The following PCDHGA1 variants were observed in gnomAD, a reference collection of about 807,000 sequenced individuals.
PCDHGA1 encodes the protein protocadherin gamma-A1.
A neutral mutation model predicts 58.0 loss-of-function variants in PCDHGA1; 32 were observed. The observed-to-expected ratio is 0.55, with a 90% CI of 0.42 to 0.74. PCDHGA1 has a LOEUF of 0.74. Ranked by LOEUF, PCDHGA1 falls within the 30% of genes least tolerant of loss-of-function variation. PCDHGA1 has a pLI of 0.00. For missense variants in PCDHGA1, 1,205 were observed against 1,182.3 expected (o/e 1.02, Z -0.28); for synonymous variants, 498 against 501.1 (o/e 0.99, Z 0.08).
intron 1 of PCDHGA1, chr5:141,393,859 T>A (rs1348760722): frequency 1.9e-6 from 3 of 1,613,994 alleles, no homozygotes; most frequent in Non-Finnish European, 2.5e-6. Flanking sequence ...GAAGTGATCA[T>A]TACGTCTTTG....
At chr5:141,394,637 G>C (rs201732776) in intron 1 of PCDHGA1, 4 of 1,613,464 alleles carry the variant, frequency 2.5e-6, no homozygotes, top group African/African-American at 1.3e-5. Flanking sequence ...CCTACCGCCT[G>C]CTCAAGGCCA....
chr5:141,412,040 G>A (rs1046669003), intron 1 of PCDHGA1: 1 of 152,230 alleles, frequency 6.6e-6, no homozygotes, highest in African/African-American at 2.4e-5. Flanking sequence ...TGTGAAAGAA[G>A]TGAACTTCTA....
Position 141,489,213 on chromosome 5 carries a change from T to G in PCDHGA1, c.2422-5594T>G, listed in dbSNP as rs372898969. 11 of 1,473,392 alleles carry G rather than the reference T, an allele frequency of 7.5e-6. No homozygotes were observed. The highest frequency in any genetic ancestry group is 6.4e-6 in the Non-Finnish European group (7 of 1,091,332). 91.3% of individuals were successfully genotyped at this position (1,473,392 alleles called of 1,614,324 possible). On this transcript the variant is annotated intron_variant, in intron 1 of 3. Coordinates refer to ENST00000517417, the MANE Select transcript of PCDHGA1 (RefSeq NM_018912.3). This position sits in a 1 kb window ranked among gnomAD's most constrained non-coding sequence, Gnocchi z 4.5. Reference sequence around the variant, plus strand: ...ACCTTGGAGACAGGACAGCACAGACTTACTCTCCACAAAGGGACTTCTGGG... The same window carrying G: ...ACCTTGGAGACAGGACAGCACAGACGTACTCTCCACAAAGGGACTTCTGGG...
chr5:141,414,180 A>G, intron 1 of PCDHGA1: 2 of 1,608,986 alleles, frequency 1.2e-6, no homozygotes, highest in Middle Eastern at 1.7e-4. Context: ...TTGCAACTGC[A>G]AAAGTGTTGA....
At position 141,344,567 on chromosome 5, in the gene PCDHGA1, C is replaced by T. The variant is rs182334334; in HGVS notation, c.2421+11462C>T. On this transcript the variant is annotated intron_variant, in intron 1 of 3. Transcript: ENST00000517417. ...ACAAGCTTAGCCCCAATGACTACTT[C>T]TCTCTGGCTGTGAATAGCGTCTCTG... is the stretch of plus-strand genomic sequence containing the variant. 11,516 of 1,614,012 alleles carry T rather than the reference C, an allele frequency of 7.1e-3. 61 individuals carry two copies. Among genetic ancestry groups the T allele is most frequent in the Non-Finnish European group, 8.3e-3 (9,774 of 1,179,900 alleles).
intron 1 of PCDHGA1, among the ~76,000 whole-genome samples, chr5:141,443,594 T>C (rs1040469046): frequency 1.3e-5 from 2 of 152,234 alleles, no homozygotes; most frequent in Non-Finnish European, 2.9e-5. Flanking sequence ...CAGAATGTGG[T>C]ATATGAAATG....
At position 141,485,651 on chromosome 5, in the gene PCDHGA1, G is replaced by A. The variant is rs752827268; in HGVS notation, c.2422-9156G>A. The A allele has an allele frequency of 6.8e-6, 11 of 1,612,228 alleles. No individual in the cohort carries two copies. The Admixed American group carries it at 1.3e-4, about 20-fold the overall frequency. ...TTTCCCGTTGGAAAAGGCTCAGGATGCAGATGTGGGGAGCAATTCGATTAG... is the reference window on the plus strand; with the variant it reads ...TTTCCCGTTGGAAAAGGCTCAGGATACAGATGTGGGGAGCAATTCGATTAG... On this transcript the variant is annotated intron_variant, in intron 1 of 3. Transcript: ENST00000517417. This position sits in a 1 kb window ranked among gnomAD's most constrained non-coding sequence, Gnocchi z 5.7.
chr5:141,360,748 C>T (rs1352122566), intron 1 of PCDHGA1: 10 of 1,613,928 alleles, frequency 6.2e-6, no homozygotes, highest in Non-Finnish European at 8.5e-6. Context: ...CAGAGAAGAG[C>T]ACAGTTTACA....
chr5:141,372,497 G>T, intron 1 of PCDHGA1: 2 of 1,614,032 alleles, frequency 1.2e-6, no homozygotes, highest in Non-Finnish European at 1.7e-6. Flanking sequence ...TGATCTCAGT[G>T]CTCTTCCTCC....
At chr5:141,375,934 C>T in intron 1 of PCDHGA1, 3 of 1,613,738 alleles carry the variant, frequency 1.9e-6, no homozygotes, top group Non-Finnish European at 2.5e-6. Context: ...CAGGACTTTT[C>T]TCAGTGGGCC....
At chr5:141,381,416 C>G (rs995030864) in intron 1 of PCDHGA1, among the ~76,000 whole-genome samples, 10 of 152,236 alleles carry the variant, frequency 6.6e-5, no homozygotes, top group African/African-American at 2.2e-4. Context: ...AGTGGAGAGA[C>G]GAGTACCTCT....
At chr5:141,418,449 A>C in intron 1 of PCDHGA1, 1 of 1,614,040 alleles carries the variant, frequency 6.2e-7, no homozygotes, top group Non-Finnish European at 8.5e-7. Context: ...TTAGTATTGC[A>C]GAAGACTCTG....
At chr5:141,360,838 G>A (rs776801696) in intron 1 of PCDHGA1, 2 of 1,614,002 alleles carry the variant, frequency 1.2e-6, no homozygotes, top group Admixed American at 1.7e-5. Flanking sequence ...AGTCACGGAT[G>A]CCAACGATAA....
intron 1 of PCDHGA1, among the ~76,000 whole-genome samples, chr5:141,368,562 A>G (rs1765727979): frequency 6.6e-6 from 1 of 152,144 alleles, no homozygotes; most frequent in African/African-American, 2.4e-5. Flanking sequence ...AGAAAATGTT[A>G]TATGCTTCTT....
chr5:141,454,366 GT>G (rs2098787984), intron 1 of PCDHGA1, among the ~76,000 whole-genome samples: 1 of 152,166 alleles, frequency 6.6e-6, no homozygotes, highest in Admixed American at 6.5e-5. Flanking sequence ...TTAGAAAGGA[GT>G]ATGGCAACTT....
At chr5:141,434,392 CA>C (rs1377925864) in intron 1 of PCDHGA1, among the ~76,000 whole-genome samples, 2 of 152,210 alleles carry the variant, frequency 1.3e-5, no homozygotes, top group Non-Finnish European at 2.9e-5. Context: ...TGGCCATAAA[CA>C]AAATCTCTGC....
intron 1 of PCDHGA1, chr5:141,364,133 C>A: frequency 2.1e-6 from 1 of 484,590 alleles, no homozygotes. Context: ...CGCTGTTGAC[C>A]AAAGTGGGAA....
intron 1 of PCDHGA1, chr5:141,385,316 G>A: frequency 1.2e-6 from 2 of 1,610,350 alleles, no homozygotes; most frequent in Non-Finnish European, 1.7e-6. Flanking sequence ...AACCTGCCAA[G>A]TATTCAGGTG....
intron 1 of PCDHGA1, among the ~76,000 whole-genome samples, chr5:141,442,810 T>C (rs2098345227): frequency 6.6e-6 from 1 of 152,222 alleles, no homozygotes; most frequent in Non-Finnish European, 1.5e-5. Context: ...ATTCAAATTG[T>C]ACTGATCCAA....
Sources: gnomAD v4.1 joint callset for allele counts (sites outside exome capture counted in the v4.1 genomes callset) on GRCh38, gnomAD v4.1.1 for gene constraint, Gnocchi (gnomAD v3.1) non-coding constraint, MANE v1.5 for transcripts, NCBI Gene and HGNC (gene_info 2026-07-23, HGNC 2026-07-21) for gene names.